CHD7: variants seen among roughly 807,000 people sequenced by gnomAD.
The protein encoded by CHD7 is ATP-dependent chromatin remodeler CHD7.
A neutral mutation model predicts 307.3 loss-of-function variants in CHD7; 24 were observed. The observed-to-expected ratio is 0.08, with a 90% CI of 0.06 to 0.11. The LOEUF (loss-of-function observed/expected upper bound fraction) is 0.11, where lower values mean the gene tolerates loss of function less well. Among genes scored for constraint, CHD7 ranks in the 10% least tolerant of loss-of-function variants. CHD7 has a pLI of 1.00. For missense variants in CHD7, 3,106 were observed against 3,727.1 expected (o/e 0.83, Z 4.34); for synonymous variants, 1,363 against 1,349.9 (o/e 1.01, Z -0.21).
rs1805162254 is a variant in CHD7 at position 60,845,401 on chromosome 8, C to A, written c.5202C>A (p.His1734Gln). 4 of 1,613,832 alleles carry A rather than the reference C, an allele frequency of 2.5e-6. No homozygotes were observed. Among genetic ancestry groups the A allele is most frequent in the Middle Eastern group, 1.7e-4 (1 of 6,060 alleles). ...GCTACAAGAAACACCTGAAGCATCA[C>A]TGTAACAAGTATGTTATTAGAGGGT... is the stretch of plus-strand genomic sequence containing the variant. ...EDSYKKHLKH[H>Q]CNKVLLRVRM... is the part of the protein sequence containing the mutation. Residue 1734 changes from histidine (H) to glutamine (Q), a missense_variant, in exon 23 of 38, where the codon CAC becomes CAA. Transcript: ENST00000423902.
chr8:60,706,809 T>A (rs1436144089), intron 1 of CHD7, among the ~76,000 whole-genome samples: 1 of 152,072 alleles, frequency 6.6e-6, no homozygotes, highest in Non-Finnish European at 1.5e-5. Context: ...TCTACAAAGA[T>A]CTTTTTAAAA....
chr8:60,812,505 A>T (rs915270729), intron 7 of CHD7, among the ~76,000 whole-genome samples: 1 of 151,970 alleles, frequency 6.6e-6, no homozygotes, highest in African/African-American at 2.4e-5. Context: ...TCTACTAAAA[A>T]TACAAAAAAT....
At chr8:60,813,051 T>C (rs1812885411) in intron 7 of CHD7, among the ~76,000 whole-genome samples, 1 of 152,220 alleles carries the variant, frequency 6.6e-6, no homozygotes, top group South Asian at 2.1e-4. Context: ...TGATGTCTTT[T>C]CAGTTGGTCC....
chr8:60,847,022 C>A (rs1045360019), intron 23 of CHD7, among the ~76,000 whole-genome samples: 1 of 152,196 alleles, frequency 6.6e-6, no homozygotes, highest in African/African-American at 2.4e-5. Context: ...TCCGACCCCA[C>A]TTACACTCTT....
chr8:60,779,640 T>C (rs1647344024), intron 2 of CHD7, among the ~76,000 whole-genome samples: 1 of 152,236 alleles, frequency 6.6e-6, no homozygotes, highest in African/African-American at 2.4e-5. Flanking sequence ...TACCTGTATT[T>C]TAATGTTTGA....
At chr8:60,757,674 G>A (rs541985286) in intron 2 of CHD7, among the ~76,000 whole-genome samples, 60 of 152,314 alleles carry the variant, frequency 3.9e-4, no homozygotes, top group African/African-American at 1.3e-3. Flanking sequence ...TAAAAAGGAA[G>A]GTGGAAAGGG....
intron 1 of CHD7, among the ~76,000 whole-genome samples, chr8:60,726,291 T>G (rs910715284): frequency 3.9e-5 from 6 of 152,230 alleles, no homozygotes; most frequent in African/African-American, 1.4e-4. Context: ...AGTTAGCCTC[T>G]TAGAGTGAAG....
At chr8:60,811,049 C>CAACA (rs1331875739) in intron 7 of CHD7, among the ~76,000 whole-genome samples, 1 of 152,174 alleles carries the variant, frequency 6.6e-6, no homozygotes, top group Non-Finnish European at 1.5e-5. Context: ...ATCTGAGGTG[C>CAACA]AACCGTTTCA....
intron 1 of CHD7, among the ~76,000 whole-genome samples, chr8:60,700,172 C>G (rs1365370498): frequency 6.6e-6 from 1 of 152,116 alleles, no homozygotes; most frequent in African/African-American, 2.4e-5. Context: ...ATTTTAAATT[C>G]CAAACAACCA....
At chr8:60,810,229 T>C (rs994929503) in intron 7 of CHD7, among the ~76,000 whole-genome samples, 3 of 152,114 alleles carry the variant, frequency 2.0e-5, no homozygotes, top group African/African-American at 7.2e-5. Context: ...GTTTTAGTTA[T>C]GGAGTCAGTT....
chr8:60,678,934 C>G lies in CHD7; in HGVS notation c.-323C>G, dbSNP rs1175000438. On this transcript the variant is annotated 5_prime_UTR_variant, in exon 1 of 38. Coordinates refer to ENST00000423902, the MANE Select transcript of CHD7 (RefSeq NM_017780.4). ...GAGGCGGCCCGGGGACCCGGACACC[C>G]TGAAACTCACCAGAGACCCGTTCGC... 6.6e-6 allele frequency: 1 copy of G among 152,324 alleles called. No homozygotes were observed. The highest frequency in any genetic ancestry group is 6.6e-5 in the Admixed American group (1 of 15,242). 9.4% of individuals were successfully genotyped at this position (152,324 alleles called of 1,614,324 possible).
rs973384265 is a variant in CHD7, at chr8:60,867,737, T to G, written c.*1804T>G. 2.6e-5 allele frequency: 4 copies of G among 152,178 alleles called. No individual in the cohort carries two copies. Among genetic ancestry groups the G allele is most frequent in the Non-Finnish European group, 1.5e-5 (1 of 68,032 alleles). 9.4% of individuals were successfully genotyped at this position (152,178 alleles called of 1,614,324 possible). Reference sequence around the variant, plus strand: ...GATTCAGTTCGTTTATGCCCCAAGATGAAAATATGCCCCTTAATGATTCTG... The same window carrying G: ...GATTCAGTTCGTTTATGCCCCAAGAGGAAAATATGCCCCTTAATGATTCTG... On this transcript the variant is annotated 3_prime_UTR_variant, in exon 38 of 38. Coordinates refer to ENST00000423902, the MANE Select transcript of CHD7 (RefSeq NM_017780.4).
intron 1 of CHD7, among the ~76,000 whole-genome samples, chr8:60,735,192 G>A (rs1486722330): frequency 6.6e-6 from 1 of 152,202 alleles, no homozygotes; most frequent in Non-Finnish European, 1.5e-5. Flanking sequence ...TTTTTTAAAT[G>A]AATGATGACA....
chr8:60,832,313 C>T (rs987738738), intron 15 of CHD7, among the ~76,000 whole-genome samples: 7 of 152,198 alleles, frequency 4.6e-5, no homozygotes, highest in African/African-American at 1.4e-4. Context: ...GTGTGAGCCA[C>T]TGCACCTGGC....
At chr8:60,860,203 G>A (rs1016181626) in intron 34 of CHD7, among the ~76,000 whole-genome samples, 1 of 152,134 alleles carries the variant, frequency 6.6e-6, no homozygotes, top group Non-Finnish European at 1.5e-5. Context: ...ATATAGACTG[G>A]CTTTTAGAAA....
At chr8:60,691,703 G>A (rs528471065) in intron 1 of CHD7, among the ~76,000 whole-genome samples, 2 of 152,346 alleles carry the variant, frequency 1.3e-5, no homozygotes, top group African/African-American at 4.8e-5. Context: ...GTACAGAGTT[G>A]TTTTGCGGAA....
chr8:60,777,710 A>G (rs760361191), intron 2 of CHD7, among the ~76,000 whole-genome samples: 6 of 152,144 alleles, frequency 3.9e-5, no homozygotes, highest in Admixed American at 6.5e-5. Flanking sequence ...GAAAAGAACA[A>G]TTGTCTGTAG....
intron 24 of CHD7, 111 bp downstream of exon 24, chr8:60,848,715 T>G: frequency 1.2e-6 from 1 of 833,006 alleles, no homozygotes; most frequent in Non-Finnish European, 2.0e-6. Context: ...ACCCATCTCC[T>G]TTTTTGCATC....
chr8:60,842,200 C>T lies in CHD7; in HGVS notation c.4850+148C>T. ...ATGCTTCTGCAGTAACTTTACAGGGCTTTGAAGCCATTTGGTTAACATAAT... is the reference window on the plus strand; with the variant it reads ...ATGCTTCTGCAGTAACTTTACAGGGTTTTGAAGCCATTTGGTTAACATAAT... On this transcript the variant is annotated intron_variant, in intron 21 of 37. Coordinates refer to ENST00000423902, the MANE Select transcript of CHD7 (RefSeq NM_017780.4). The T allele has an allele frequency of 4.4e-6, 3 of 681,686 alleles. No homozygotes were observed. The East Asian group carries it at 8.2e-5, about 19-fold the overall frequency. 42.2% of individuals were successfully genotyped at this position (681,686 alleles called of 1,614,324 possible). A position where few individuals can be genotyped will look rare whatever the true frequency, so the allele number is the denominator to read the frequency against.
Sources: allele counts gnomAD v4.1 joint callset (sites outside exome capture counted in the v4.1 genomes callset), GRCh38; gene constraint gnomAD v4.1.1; transcripts MANE v1.5; gene names NCBI Gene and HGNC (gene_info 2026-07-23, HGNC 2026-07-21).